FAT1: variants seen among roughly 807,000 people sequenced by gnomAD.
FAT1 encodes the protein FAT atypical cadherin 1.
A neutral mutation model predicts 329.8 loss-of-function variants in FAT1; 171 were observed. That is an observed-to-expected ratio of 0.52 (90% CI 0.46 to 0.59). The LOEUF is 0.59. Ranked by LOEUF, FAT1 falls within the 20% of genes least tolerant of loss-of-function variation. The pLI is 0.00. For missense variants in FAT1, 5,672 were observed against 5,774.4 expected, an observed-to-expected ratio of 0.98 and a Z score of 0.57; for synonymous variants, 2,233 against 2,228.6, an observed-to-expected ratio of 1.00 and a Z score of -0.06.
At chr4:186,719,324 G>A (rs531120828) in intron 1 of FAT1, among the ~76,000 whole-genome samples, 2 of 152,176 alleles carry the variant, frequency 1.3e-5, no homozygotes, top group South Asian at 2.1e-4. Flanking sequence ...TGCATCCATG[G>A]ATCCAACCAA....
At chr4:186,642,164 T>C (rs900760890) in intron 3 of FAT1, among the ~76,000 whole-genome samples, 6 of 152,202 alleles carry the variant, frequency 3.9e-5, no homozygotes, top group Non-Finnish European at 8.8e-5. Flanking sequence ...ATGGTAATAT[T>C]AGCCCCTTTC....
chr4:186,609,690 C>A, intron 15 of FAT1, 111 bp downstream of exon 15: 2 of 751,958 alleles, frequency 2.7e-6, no homozygotes, highest in South Asian at 1.8e-5. Flanking sequence ...ACTTTCAAAT[C>A]TCCAAAATAT....
chr4:186,678,397 G>T (rs1413264858), intron 2 of FAT1, among the ~76,000 whole-genome samples: 1 of 150,750 alleles, frequency 6.6e-6, no homozygotes, highest in Non-Finnish European at 1.5e-5. Context: ...GAGCCCAGGA[G>T]GTGGAGGCCA....
At chr4:186,656,074 G>C (rs942524638) in intron 3 of FAT1, among the ~76,000 whole-genome samples, 1 of 152,252 alleles carries the variant, frequency 6.6e-6, no homozygotes, top group Non-Finnish European at 1.5e-5. Flanking sequence ...GGTTGGTCTG[G>C]AGGTGGAAGG....
At chr4:186,723,931 G>T (rs778802302), upstream of FAT1, 13 of 150,940 alleles carry the variant, frequency 8.6e-5, no homozygotes, top group Non-Finnish European at 1.3e-4. Context: ...GCGGAAACTC[G>T]AGCCCACTTT....
chr4:186,690,635 A>G (rs893361269), intron 2 of FAT1, among the ~76,000 whole-genome samples: 2 of 152,082 alleles, frequency 1.3e-5, no homozygotes, highest in Non-Finnish European at 2.9e-5. Context: ...AGTTGCAGTG[A>G]GCAGAGATCA....
chr4:186,626,583 C>T (rs867552049), intron 9 of FAT1, among the ~76,000 whole-genome samples: 1 of 51,366 alleles, frequency 1.9e-5, no homozygotes, highest in African/African-American at 7.9e-5. Context: ...AGAATGAATG[C>T]ATGAATGAAT....
At chr4:186,661,931 G>A (rs1742191265) in intron 3 of FAT1, among the ~76,000 whole-genome samples, 1 of 152,128 alleles carries the variant, frequency 6.6e-6, no homozygotes, top group Admixed American at 6.5e-5. Flanking sequence ...ATCTGAGGCT[G>A]TCTCCAGGTA....
At chr4:186,647,819 T>A (rs1741449871) in intron 3 of FAT1, among the ~76,000 whole-genome samples, 1 of 152,208 alleles carries the variant, frequency 6.6e-6, no homozygotes, top group Admixed American at 6.5e-5. Flanking sequence ...TTCAGTGTAA[T>A]TTCTTCAGGA....
chr4:186,607,275 T>G (rs1330006585), intron 16 of FAT1, among the ~76,000 whole-genome samples: 1 of 152,198 alleles, frequency 6.6e-6, no homozygotes, highest in African/African-American at 2.4e-5. Context: ...TTCACAGGCC[T>G]ACCTCTCTGA....
intron 13 of FAT1, 28 bp from the exon 14 acceptor site, chr4:186,611,803 G>T (rs1029990864): frequency 2.0e-6 from 3 of 1,479,970 alleles, no homozygotes; most frequent in South Asian, 1.3e-5. Flanking sequence ...CATGTCAAAA[G>T]ATTTTAAATA....
At chr4:186,682,181 C>A (rs1743242058) in intron 2 of FAT1, among the ~76,000 whole-genome samples, 2 of 152,086 alleles carry the variant, frequency 1.3e-5, no homozygotes, top group African/African-American at 4.8e-5. Context: ...GAATCAGGCA[C>A]CTCCTAAGAT....
intron 3 of FAT1, among the ~76,000 whole-genome samples, chr4:186,644,072 C>G (rs1413203651): frequency 1.3e-5 from 2 of 152,098 alleles, no homozygotes; most frequent in Non-Finnish European, 2.9e-5. Flanking sequence ...TAAAATTTTC[C>G]AAGGCCACTA....
Position 186,596,919 on chromosome 4 carries a change from A to G in FAT1, c.12621T>C (p.Ser4207=). 1 of 1,614,040 alleles carries G rather than the reference A, an allele frequency of 6.2e-7. No homozygotes were observed. The highest frequency in any genetic ancestry group is 1.1e-5 in the South Asian group (1 of 91,086). The change falls in exon 25 of 27, where the codon AGT becomes AGC. Residue 4207 remains serine, a synonymous_variant. Transcript: ENST00000441802. The surrounding 1 kb of genome is among the most constrained non-coding windows in gnomAD (Gnocchi z 4.7). ...GTTCAGCCTGATGCTTCTTTTTCCG[A>G]CTAATCATCTTACGGCAGAGAACAA... ...VVFVLCRKMI[S]RKKKHQAEPK... is the part of the protein sequence containing the mutation.
At position 186,600,122 on chromosome 4, in the gene FAT1, C is replaced by G. The variant is rs978581571; in HGVS notation, c.11879G>C (p.Gly3960Ala). Residue 3960 changes from glycine to alanine, a missense_variant, in exon 22 of 27, where the codon GGA (glycine) becomes GCA (alanine). Transcript: ENST00000441802. ...VFFGGHIRQQ[G>A]TRHGRSPQVG... ...TTGAGGACTTCTTCCATGCCTTGTT[C>G]CCTGCTGACGGATGTGGCCACCAAA... 1 of 1,614,060 alleles carries G rather than the reference C, an allele frequency of 6.2e-7. No individual in the cohort carries two copies. Among genetic ancestry groups the G allele is most frequent in the Non-Finnish European group, 8.5e-7 (1 of 1,179,904 alleles).
chr4:186,608,257 TG>T lies in FAT1; in HGVS notation c.10206+925del, dbSNP rs575401261. ...TGCTCAAGTCCTTGATATAAAATGG[TG>T]TAGTATTTGCATATAACCTATACAC... On this transcript the variant is annotated intron_variant, in intron 16 of 26. Coordinates refer to ENST00000441802, the MANE Select transcript of FAT1 (RefSeq NM_005245.4). Among the ~76,000 whole-genome samples, 13 of 152,344 alleles carry T rather than the reference TG, an allele frequency of 8.5e-5. No homozygotes were observed. The South Asian group carries it at 2.7e-3, about 32-fold the overall frequency.
chr4:186,611,997 G>A lies in FAT1; in HGVS notation c.9464-222C>T, dbSNP rs141139001. ...CTGTAATTTTTGTATTTTTATTAGA[G>A]ACGGGGTTTCTCCATGTTGGCCAGG... On this transcript the variant is annotated intron_variant, in intron 13 of 26. Coordinates refer to ENST00000441802, the MANE Select transcript of FAT1 (RefSeq NM_005245.4). Among the ~76,000 whole-genome samples the A allele has an allele frequency of 0.024, 3,666 of 151,730 alleles. 135 individuals are homozygous for A. Among genetic ancestry groups the A allele is most frequent in the African/African-American group, 0.079 (3,272 of 41,360 alleles).
In FAT1 at chr4:186,603,017, C is replaced by G; in HGVS notation, c.11368G>C (p.Val3790Leu). The G allele has an allele frequency of 6.2e-7, 1 of 1,613,934 alleles. No individual in the cohort carries two copies. Among genetic ancestry groups the G allele is most frequent in the Non-Finnish European group, 8.5e-7 (1 of 1,179,874 alleles). Reference protein sequence around the residue: ...CLCKEGRCPPVHHGCEDDPCP... With the variant: ...CLCKEGRCPPLHHGCEDDPCP... The stretch of plus-strand genomic sequence containing the variant: ...GGATCATCTTCACAGCCATGGTGGA[C>G]AGGTGGGCACCTTCCCTCTTCATTC... The change falls in exon 20 of 27, where the codon GTC becomes CTC. Residue 3790 changes from valine to leucine, a missense_variant. By Grantham distance (32) the Val-to-Leu change is conservative. Coordinates refer to ENST00000441802, the MANE Select transcript of FAT1 (RefSeq NM_005245.4).
upstream of FAT1, among the ~76,000 whole-genome samples, chr4:186,726,077 A>G (rs899604787): frequency 2.0e-5 from 3 of 152,226 alleles, no homozygotes; most frequent in Non-Finnish European, 1.5e-5. Context: ...CACCATTGCT[A>G]TAATAAGTTA....
Sources: gnomAD v4.1 joint callset for allele counts (sites outside exome capture counted in the v4.1 genomes callset) on GRCh38, gnomAD v4.1.1 for gene constraint, Gnocchi (gnomAD v3.1) non-coding constraint, MANE v1.5 for transcripts, NCBI Gene and HGNC (gene_info 2026-07-23, HGNC 2026-07-21) for gene names.